The following GATB variants were observed in gnomAD, a reference collection of about 807,000 sequenced individuals.
The protein encoded by GATB is glutamyl-tRNA amidotransferase subunit B.
Under a neutral mutation model 62.3 loss-of-function variants are expected in GATB, and 39 were observed. The ratio of observed to expected loss-of-function variants is 0.63; its 90% confidence interval spans 0.48 to 0.82. The LOEUF (loss-of-function observed/expected upper bound fraction) is 0.82. Ranked by LOEUF, GATB falls within the 40% of genes least tolerant of loss-of-function variation. The probability of loss-of-function intolerance (pLI) is 0.00; values close to 1 mark genes in which losing one functional copy is unlikely to be tolerated. For missense variants in GATB, 670 were observed against 684.0 expected, an observed-to-expected ratio of 0.98 and a Z score of 0.23; for synonymous variants, 276 against 258.9, an observed-to-expected ratio of 1.07 and a Z score of -0.63.
chr4:151,675,333 G>A (rs577510223), intron 11 of GATB: 4 of 152,382 alleles, frequency 2.6e-5, no homozygotes, highest in African/African-American at 9.6e-5. Context: ...CATAATGTTA[G>A]TTAACTCCAC....
At chr4:151,741,933 G>A (rs979195735) in intron 2 of GATB, among the ~76,000 whole-genome samples, 1 of 152,160 alleles carries the variant, frequency 6.6e-6, no homozygotes, top group Admixed American at 6.5e-5. Context: ...TGCACATCTA[G>A]CGGGAATTTG....
intron 11 of GATB, chr4:151,675,799 G>A (rs1737988109): frequency 6.6e-6 from 1 of 152,200 alleles, no homozygotes; most frequent in Non-Finnish European, 1.5e-5. Context: ...ATGCAAGCTG[G>A]GAACTCCCCA....
intron 5 of GATB, among the ~76,000 whole-genome samples, chr4:151,713,912 C>T (rs1432831404): frequency 6.6e-6 from 1 of 152,206 alleles, no homozygotes; most frequent in Non-Finnish European, 1.5e-5. Flanking sequence ...TCAGTTTCCT[C>T]ACCTGCAACA....
intron 2 of GATB, among the ~76,000 whole-genome samples, chr4:151,733,574 C>T (rs552757301): frequency 5.2e-4 from 79 of 152,240 alleles, no homozygotes; most frequent in African/African-American, 1.9e-3. Flanking sequence ...GACACTATTC[C>T]ACAAGATAAA....
At chr4:151,680,849 C>G (rs892709096) in intron 10 of GATB, among the ~76,000 whole-genome samples, 4 of 152,162 alleles carry the variant, frequency 2.6e-5, no homozygotes, top group African/African-American at 7.2e-5. Flanking sequence ...TGCACATCAT[C>G]GTCAATGCTC....
intron 9 of GATB, among the ~76,000 whole-genome samples, chr4:151,700,870 G>A (rs1305244054): frequency 1.3e-5 from 2 of 152,176 alleles, no homozygotes; most frequent in Non-Finnish European, 2.9e-5. Flanking sequence ...GTTTCATGTG[G>A]AATAAATGTT....
intron 10 of GATB, among the ~76,000 whole-genome samples, chr4:151,684,219 G>C (rs1312645916): frequency 6.6e-6 from 1 of 152,194 alleles, no homozygotes; most frequent in East Asian, 1.9e-4. Flanking sequence ...TGAAACACTG[G>C]GGCACTCAAC....
chr4:151,753,250 G>A (rs768880191), intron 2 of GATB, among the ~76,000 whole-genome samples: 2 of 152,130 alleles, frequency 1.3e-5, no homozygotes, highest in African/African-American at 4.8e-5. Flanking sequence ...AGAGGGTCAG[G>A]TAGAGAAGCT....
intron 9 of GATB, among the ~76,000 whole-genome samples, chr4:151,690,638 G>T (rs1166023033): frequency 5.3e-5 from 8 of 152,214 alleles, no homozygotes; most frequent in Admixed American, 5.2e-4. Flanking sequence ...TAGAAATATT[G>T]CACTTAAACT....
intron 2 of GATB, among the ~76,000 whole-genome samples, chr4:151,754,015 T>C (rs1739772074): frequency 6.6e-6 from 1 of 152,312 alleles, no homozygotes; most frequent in African/African-American, 2.4e-5. Flanking sequence ...ATAAATCCAA[T>C]GGGCACTTCC....
intron 11 of GATB, among the ~76,000 whole-genome samples, chr4:151,678,619 T>A (rs527621136): frequency 1.3e-5 from 2 of 151,844 alleles, no homozygotes; most frequent in South Asian, 4.2e-4. Context: ...TCGAGGTGGG[T>A]AAACAGAGCT....
Position 151,670,922 on chromosome 4 carries a change from T to C in GATB, c.*252A>G. On this transcript the variant is annotated 3_prime_UTR_variant, in exon 13 of 13. Transcript: ENST00000263985. ...CAAGAAGGTGTTACTCCTTAACCAC[T>C]GCTGCAGCCTCACCGGACCCTCCTG... The C allele has an allele frequency of 4.5e-6, 2 of 447,664 alleles. No individual in the cohort carries two copies. The highest frequency in any genetic ancestry group is 3.2e-5 in the East Asian group (1 of 30,850). The allele number at this position is 447,664 out of a possible 1,614,324, so 27.7% of individuals were successfully genotyped here. A position where few individuals can be genotyped will look rare whatever the true frequency, so the allele number is the denominator to read the frequency against.
chr4:151,695,223 T>C (rs1738444591), intron 9 of GATB, among the ~76,000 whole-genome samples: 1 of 152,172 alleles, frequency 6.6e-6, no homozygotes, highest in African/African-American at 2.4e-5. Flanking sequence ...GACATATTCT[T>C]GGGAGTCTGC....
At chr4:151,702,627 T>A (rs1738628813) in intron 8 of GATB, among the ~76,000 whole-genome samples, 1 of 152,166 alleles carries the variant, frequency 6.6e-6, no homozygotes, top group Non-Finnish European at 1.5e-5. Flanking sequence ...CTCTGGACGT[T>A]CCATTCAATT....
intron 6 of GATB, among the ~76,000 whole-genome samples, chr4:151,707,333 G>A (rs906708109): frequency 4.6e-5 from 7 of 151,758 alleles, no homozygotes; most frequent in South Asian, 2.1e-4. Context: ...TTGCTCTGTC[G>A]CCCAGGCTAG....
At chr4:151,717,874 T>C (rs186502008) in intron 3 of GATB, among the ~76,000 whole-genome samples, 5 of 152,302 alleles carry the variant, frequency 3.3e-5, no homozygotes, top group Non-Finnish European at 7.3e-5. Flanking sequence ...CTCACTGTGT[T>C]CCCTCAGTTA....
rs550591135 is a variant in GATB at position 151,697,311 on chromosome 4, T to A, written c.1197+4018A>T. Among the ~76,000 whole-genome samples, 8 of 152,252 alleles carry A rather than the reference T, an allele frequency of 5.3e-5. No individual in the cohort carries two copies. In the East Asian group the frequency reaches 1.5e-3, roughly 29 times the overall value. On this transcript the variant is annotated intron_variant, in intron 9 of 12. Transcript: ENST00000263985. ...AATATTATTCAGCTATAAAAAAGAA[T>A]GGAATCATGTCTTTTGCAACATGGA...
At chr4:151,711,079 T>A (rs943764164) in intron 5 of GATB, among the ~76,000 whole-genome samples, 2 of 152,222 alleles carry the variant, frequency 1.3e-5, no homozygotes, top group Admixed American at 1.3e-4. Flanking sequence ...CCCTGTCTCT[T>A]ACCTTCCACA....
At chr4:151,724,762 C>T (rs542245798) in intron 2 of GATB, among the ~76,000 whole-genome samples, 1 of 152,178 alleles carries the variant, frequency 6.6e-6, no homozygotes, top group South Asian at 2.1e-4. Context: ...CCATTTAGCT[C>T]CCCTGGCACT....
Sources: allele counts gnomAD v4.1 joint callset (sites outside exome capture counted in the v4.1 genomes callset), GRCh38; gene constraint gnomAD v4.1.1; transcripts MANE v1.5; gene names NCBI Gene and HGNC (gene_info 2026-07-23, HGNC 2026-07-21).